The following ZBTB7B variants were observed in gnomAD, a reference collection of about 807,000 sequenced individuals.
ZBTB7B encodes zinc finger and BTB domain containing 7B, also known as zinc finger and BTB domain-containing protein 7B.
Under a neutral mutation model 31.0 loss-of-function variants are expected in ZBTB7B, and 8 were observed. The ratio of observed to expected loss-of-function variants is 0.26; its 90% CI spans 0.15 to 0.47. The LOEUF is 0.47. Ranked by LOEUF, ZBTB7B falls within the 20% of genes least tolerant of loss-of-function variation. ZBTB7B has a pLI of 0.99. For missense variants in ZBTB7B, 494 were observed against 742.4 expected, an observed-to-expected ratio of 0.67 and a Z score of 3.89; for synonymous variants, 261 against 307.3, an observed-to-expected ratio of 0.85 and a Z score of 1.58.
chr1:155,016,094 C>T lies in ZBTB7B; in HGVS notation c.1155-126C>T, dbSNP rs1659385045. 1.9e-6 allele frequency: 2 copies of T among 1,078,090 alleles called. No homozygotes were observed. The highest frequency in any genetic ancestry group is 3.1e-5 in the South Asian group (2 of 65,038). The allele number at this position is 1,078,090 out of a possible 1,614,324, so 66.8% of individuals were successfully genotyped here. ...TAGAGGTGAGCTAGCAGGGTATCTC[C>T]TGGGGCAATAGTGGGGTAACAAATG... On this transcript the variant is annotated intron_variant, in intron 2 of 2. Transcript: ENST00000535420. This position sits in a 1 kb window ranked among gnomAD's most constrained non-coding sequence, Gnocchi z 4.3.
chr1:155,010,137 C>T (rs1488985009), intron 1 of ZBTB7B: 1 of 152,372 alleles, frequency 6.6e-6, no homozygotes, highest in Non-Finnish European at 1.5e-5. Context: ...TGCCCCCATT[C>T]CTTCCTCCGC....
At chr1:155,002,374 G>A (rs1275516457), upstream of ZBTB7B, among the ~76,000 whole-genome samples, 1 of 149,550 alleles carries the variant, frequency 6.7e-6, no homozygotes, top group Non-Finnish European at 1.5e-5. Context: ...GGGAGACAGA[G>A]AGAAGGAAAG....
intron 1 of ZBTB7B, among the ~76,000 whole-genome samples, chr1:155,012,429 C>T (rs957945153): frequency 2.6e-5 from 4 of 152,122 alleles, no homozygotes; most frequent in African/African-American, 4.8e-5. Context: ...GCTGCAGCCA[C>T]TGTTGCTGCT....
At chr1:155,012,573 G>C (rs374383792) in intron 1 of ZBTB7B, among the ~76,000 whole-genome samples, 57 of 152,166 alleles carry the variant, frequency 3.7e-4, no homozygotes, top group African/African-American at 1.3e-3. Context: ...AGATGGCTTG[G>C]TTCCTAGGGA....
At position 155,003,357 on chromosome 1, in the gene ZBTB7B, AC is replaced by A. The variant is rs10709155; in HGVS notation, c.-7+424del. On this transcript the variant is annotated intron_variant, in intron 1 of 2. Coordinates refer to ENST00000535420, the MANE Select transcript of ZBTB7B (RefSeq NM_001256455.2). The surrounding 1 kb of genome is among the most constrained non-coding windows in gnomAD (Gnocchi z 5.8). Reference sequence around the variant, plus strand: ...ACGGACTCTAACTAGGACAACGCGCACCCCCCCCCCACCCCGCGCCCCCTGG... The same window carrying A: ...ACGGACTCTAACTAGGACAACGCGCACCCCCCCCCACCCCGCGCCCCCTGG... Among the ~76,000 whole-genome samples, 138,453 of 149,110 alleles carry A rather than the reference AC, an allele frequency of 0.93. 64,228 individuals are homozygous for A. Among genetic ancestry groups the A allele is most frequent in the East Asian group, 0.97 (4,913 of 5,048 alleles).
chr1:155,008,320 C>T (rs909696450), intron 1 of ZBTB7B, among the ~76,000 whole-genome samples: 3 of 152,006 alleles, frequency 2.0e-5, no homozygotes, highest in Non-Finnish European at 2.9e-5. Context: ...ATGGGGAGGG[C>T]GGGGTGCCGC....
At position 155,015,050 on chromosome 1, in the gene ZBTB7B, C is replaced by T. The variant is rs11264295; in HGVS notation, c.390C>T (p.Ile130=). 0.47 allele frequency: 751,559 copies of T among 1,613,498 alleles called. 184,252 individuals carry two copies. The highest frequency in any genetic ancestry group is 0.91 in the East Asian group (40,881 of 44,852). The change falls in exon 2 of 3, where the codon ATC becomes ATT. Residue 130 remains isoleucine (I), a synonymous_variant. Coordinates refer to ENST00000535420, the MANE Select transcript of ZBTB7B (RefSeq NM_001256455.2). ...AVLQAARLLE[I]PCVIAACMEI... is the part of the protein sequence containing the mutation. Reference sequence around the variant, plus strand: ...TCCAGGCTGCCCGCCTGCTGGAGATCCCGTGTGTCATCGCTGCTTGCATGG... The same window carrying T: ...TCCAGGCTGCCCGCCTGCTGGAGATTCCGTGTGTCATCGCTGCTTGCATGG...
upstream of ZBTB7B, among the ~76,000 whole-genome samples, chr1:155,002,076 G>A (rs983758188): frequency 6.6e-6 from 1 of 151,746 alleles, no homozygotes; most frequent in African/African-American, 2.4e-5. Context: ...GCCCCTGTAG[G>A]GGGTGCTCGA....
rs555135842 is a variant in ZBTB7B at position 155,018,159 on chromosome 1, C to T, written c.*1474C>T. On this transcript the variant is annotated 3_prime_UTR_variant, in exon 3 of 3. Transcript: ENST00000535420. ...TTCCTCCCTTCCATGCACCCCCATG[C>T]CCATTTGCACAGCTGCCCAGGTACC... 5 of 223,424 alleles carry T rather than the reference C, an allele frequency of 2.2e-5. No individual in the cohort carries two copies. The South Asian group carries it at 2.8e-4, about 12-fold the overall frequency. The allele number at this position is 223,424 out of a possible 1,614,324, so 13.8% of individuals were successfully genotyped here.
rs1296711926 is a variant in ZBTB7B, at chr1:155,003,397, C to T, written c.-7+454C>T. ...CGCGCCCCCTGGCGCGGTGGATTGGCCCCAGGCCAGTTGCATGGGGGTTGG... is the reference window on the plus strand; with the variant it reads ...CGCGCCCCCTGGCGCGGTGGATTGGTCCCAGGCCAGTTGCATGGGGGTTGG... On this transcript the variant is annotated intron_variant, in intron 1 of 2. Coordinates refer to ENST00000535420, the MANE Select transcript of ZBTB7B (RefSeq NM_001256455.2). The surrounding 1 kb of genome is among the most constrained non-coding windows in gnomAD (Gnocchi z 5.8). Among the ~76,000 whole-genome samples, 3 of 152,134 alleles carry T rather than the reference C, an allele frequency of 2.0e-5. No individual in the cohort carries two copies. Among genetic ancestry groups the T allele is most frequent in the Non-Finnish European group, 2.9e-5 (2 of 68,006 alleles).
rs1658812883 is a variant in ZBTB7B, at chr1:155,009,613, C to CA, written c.-6-5041dup. 2.6e-5 allele frequency among the ~76,000 whole-genome samples: 4 copies of CA among 152,226 alleles called. No individual in the cohort carries two copies. The South Asian group carries it at 8.3e-4, about 32-fold the overall frequency. On this transcript the variant is annotated intron_variant, in intron 1 of 2. Transcript: ENST00000535420. ...ACAGGTTGTCCCCCCACCCCCACCC[C>CA]ACATCCGCTCTCGCTGCAAACCCCC...
chr1:155,012,362 C>T (rs1023407990), intron 1 of ZBTB7B, among the ~76,000 whole-genome samples: 5 of 152,072 alleles, frequency 3.3e-5, no homozygotes, highest in South Asian at 4.1e-4. Flanking sequence ...CACCCATCCC[C>T]CTTAGGAGGG....
At chr1:155,014,245 G>A (rs956884318) in intron 1 of ZBTB7B, among the ~76,000 whole-genome samples, 3 of 152,184 alleles carry the variant, frequency 2.0e-5, no homozygotes, top group African/African-American at 7.2e-5. Context: ...CCGGGACCCA[G>A]GCATCCTATC....
Position 155,016,178 on chromosome 1 carries a change from C to T in ZBTB7B, c.1155-42C>T, listed in dbSNP as rs367618559. 1.1e-5 allele frequency: 17 copies of T among 1,581,288 alleles called. No individual in the cohort carries two copies. The highest frequency in any genetic ancestry group is 5.1e-5 in the Admixed American group (3 of 58,602). ...GATGACCAGGAGGAGCCAGGGATCC[C>T]ATCCTGAACACCTCCCTGCCCCTCA... On this transcript the variant is annotated intron_variant, in intron 2 of 2. Coordinates refer to ENST00000535420, the MANE Select transcript of ZBTB7B (RefSeq NM_001256455.2). The surrounding 1 kb of genome is among the most constrained non-coding windows in gnomAD (Gnocchi z 4.3).
At chr1:155,012,804 C>A (rs1210382232) in intron 1 of ZBTB7B, among the ~76,000 whole-genome samples, 1 of 150,770 alleles carries the variant, frequency 6.6e-6, no homozygotes. Flanking sequence ...CCATTCACCC[C>A]CCCACCCAAA....
At chr1:155,001,778 C>T (rs539145296), upstream of ZBTB7B, among the ~76,000 whole-genome samples, 1 of 151,784 alleles carries the variant, frequency 6.6e-6, no homozygotes, top group Admixed American at 6.5e-5. This position sits in a 1 kb window ranked among gnomAD's most constrained non-coding sequence, Gnocchi z 4.8. Context: ...GGGCGCCCTT[C>T]CCTCCCCGCG....
At chr1:155,007,357 A>C (rs1406370425) in intron 1 of ZBTB7B, among the ~76,000 whole-genome samples, 1 of 152,306 alleles carries the variant, frequency 6.6e-6, no homozygotes, top group East Asian at 1.9e-4. Flanking sequence ...ATCAAAGGGC[A>C]GAGAGCAGCC....
At chr1:155,009,633 A>AC (rs968495755) in intron 1 of ZBTB7B, among the ~76,000 whole-genome samples, 1 of 151,530 alleles carries the variant, frequency 6.6e-6, no homozygotes, top group Non-Finnish European at 1.5e-5. Context: ...CTCGCTGCAA[A>AC]CCCCCCTCCA....
At chr1:155,005,126 C>T (rs1268946605) in intron 1 of ZBTB7B, among the ~76,000 whole-genome samples, 5 of 151,132 alleles carry the variant, frequency 3.3e-5, no homozygotes, top group East Asian at 2.0e-4. Flanking sequence ...CGGCGGGCAG[C>T]GGGGGCTGGG....
Sources: gnomAD v4.1 joint callset for allele counts (sites outside exome capture counted in the v4.1 genomes callset) on GRCh38, gnomAD v4.1.1 for gene constraint, Gnocchi (gnomAD v3.1) non-coding constraint, MANE v1.5 for transcripts, NCBI Gene and HGNC (gene_info 2026-07-23, HGNC 2026-07-21) for gene names.